The following MAGI2 variants were observed in gnomAD, a reference collection of about 807,000 sequenced individuals.
The protein encoded by MAGI2 is membrane associated guanylate kinase, WW and PDZ domain containing 2.
MAGI2 carries 35 observed loss-of-function variants against 133.3 expected under a neutral mutation model. That is an observed-to-expected ratio of 0.26 (90% CI 0.20 to 0.35). MAGI2 has a LOEUF of 0.35. Among genes scored for constraint, MAGI2 ranks in the 10% least tolerant of loss-of-function variants. The pLI is 1.00. For synonymous variants in MAGI2, 729 were observed against 710.6 expected (o/e 1.03, Z -0.41); for missense variants, 1,636 against 1,863.4 (o/e 0.88, Z 2.25).
At chr7:78,951,488 G>A (rs1030919735) in intron 2 of MAGI2, among the ~76,000 whole-genome samples, 11 of 152,112 alleles carry the variant, frequency 7.2e-5, no homozygotes, top group African/African-American at 2.4e-4. Context: ...CAGGGGAAAT[G>A]CCAGACGCTT....
At chr7:78,325,984 A>T (rs1788542768) in intron 9 of MAGI2, among the ~76,000 whole-genome samples, 2 of 152,196 alleles carry the variant, frequency 1.3e-5, no homozygotes, top group South Asian at 4.1e-4. Flanking sequence ...CCTCTTAAGC[A>T]GACTTTATAG....
At chr7:79,442,402 T>TA (rs1848550806) in intron 1 of MAGI2, among the ~76,000 whole-genome samples, 1 of 151,878 alleles carries the variant, frequency 6.6e-6, no homozygotes. Context: ...CTAAGTGCCT[T>TA]TCCGAGACTA....
intron 21 of MAGI2, among the ~76,000 whole-genome samples, chr7:78,050,151 T>A (rs971985101): frequency 4.6e-5 from 7 of 152,192 alleles, no homozygotes; most frequent in African/African-American, 1.4e-4. Flanking sequence ...TCTAAAAGTT[T>A]CCTCAACTCG....
chr7:79,342,301 C>T (rs1250774645), intron 1 of MAGI2, among the ~76,000 whole-genome samples: 1 of 152,158 alleles, frequency 6.6e-6, no homozygotes, highest in Admixed American at 6.5e-5. Flanking sequence ...TAACTCGGTC[C>T]CCTGTGTTAA....
chr7:79,389,332 G>A (rs1844436984), intron 1 of MAGI2, among the ~76,000 whole-genome samples: 1 of 151,998 alleles, frequency 6.6e-6, no homozygotes, highest in Non-Finnish European at 1.5e-5. Context: ...TTATGGAATA[G>A]CTAAATTGCA....
intron 2 of MAGI2, among the ~76,000 whole-genome samples, chr7:78,646,672 C>T (rs1291845331): frequency 6.6e-6 from 1 of 152,118 alleles, no homozygotes; most frequent in African/African-American, 2.4e-5. Context: ...AATGGAAGAT[C>T]CCATATCATG....
At position 79,416,725 on chromosome 7, in the gene MAGI2, C is replaced by CTTTTTTTTTTTTTTTTTTTTTTTTTTT. The variant is rs1176426138; in HGVS notation, c.301+36294_301+36295insAAAAAAAAAAAAAAAAAAAAAAAAAAA. On this transcript the variant is annotated intron_variant, in intron 1 of 21. Coordinates refer to ENST00000354212, the MANE Select transcript of MAGI2 (RefSeq NM_012301.4). ...TTCTTTTTTCTTTTCTTTTCTTTTT[C>CTTTTTTTTTTTTTTTTTTTTTTTTTTT]TTTTTCTTTTTTTTTTTTTGAGGTG... Among the ~76,000 whole-genome samples the CTTTTTTTTTTTTTTTTTTTTTTTTTTT allele has an allele frequency of 3.4e-4, 35 of 102,460 alleles. 7 individuals carry two copies. The highest frequency in any genetic ancestry group is 1.0e-3 in the African/African-American group (25 of 24,046). 67.2% of individuals were successfully genotyped at this position (102,460 alleles called of 152,430 possible). A position where few individuals can be genotyped will look rare whatever the true frequency, so the allele number is the denominator to read the frequency against.
At chr7:78,827,479 G>A (rs186526283) in intron 2 of MAGI2, among the ~76,000 whole-genome samples, 1 of 151,990 alleles carries the variant, frequency 6.6e-6, no homozygotes, top group Non-Finnish European at 1.5e-5. Context: ...GGTCTTGTAT[G>A]TTGCCTAGGC....
intron 21 of MAGI2, among the ~76,000 whole-genome samples, chr7:78,046,599 CA>C (rs1185185723): frequency 6.6e-6 from 1 of 152,040 alleles, no homozygotes; most frequent in East Asian, 1.9e-4. Context: ...AGAGCTCTGA[CA>C]AGGTGAGATA....
intron 16 of MAGI2, among the ~76,000 whole-genome samples, chr7:78,153,077 G>A (rs1315516804): frequency 6.6e-6 from 1 of 152,188 alleles, no homozygotes. Context: ...TTCGGAGATG[G>A]AACATTGATG....
chr7:78,858,800 T>G lies in MAGI2; in HGVS notation c.418+148290A>C. Among the ~76,000 whole-genome samples the G allele has an allele frequency of 1.3e-5, 2 of 152,218 alleles. 1 individual carries two copies. The highest frequency in any genetic ancestry group is 2.9e-5 in the Non-Finnish European group (2 of 68,042). ...CAATTCCTGGATATCCTTGTTAACT[T>G]TCTGTCTCGTTGATCTCTCTAATGT... is the stretch of plus-strand genomic sequence containing the variant. On this transcript the variant is annotated intron_variant, in intron 2 of 21. Transcript: ENST00000354212.
At chr7:78,130,151 G>A (rs1335263267) in intron 18 of MAGI2, among the ~76,000 whole-genome samples, 1 of 152,062 alleles carries the variant, frequency 6.6e-6, no homozygotes, top group Non-Finnish European at 1.5e-5. Flanking sequence ...TTCAACAAAT[G>A]CTTCTCCTTG....
Position 78,121,693 on chromosome 7 carries a change from A to G in MAGI2, c.3567+4001T>C, listed in dbSNP as rs531648030. On this transcript the variant is annotated intron_variant, in intron 20 of 21. Coordinates refer to ENST00000354212, the MANE Select transcript of MAGI2 (RefSeq NM_012301.4). ...ACAATACTTTTGTGTTACTTAGGTA[A>G]GTTAAATTTGTGCCCTCCAAGGCAT... is the stretch of plus-strand genomic sequence containing the variant. Among the ~76,000 whole-genome samples the G allele has an allele frequency of 2.0e-5, 3 of 152,324 alleles. No homozygotes were observed. The South Asian group carries it at 6.2e-4, about 32-fold the overall frequency.
intron 6 of MAGI2, among the ~76,000 whole-genome samples, chr7:78,408,548 A>G (rs1402328798): frequency 1.3e-5 from 2 of 152,010 alleles, no homozygotes; most frequent in Non-Finnish European, 2.9e-5. Context: ...GAGGCTTACT[A>G]CAGTACCTAC....
chr7:78,955,723 C>CTCTTTCTTTCTTTCTTTCTTTCTT (rs1158477695), intron 2 of MAGI2, among the ~76,000 whole-genome samples: 1 of 83,434 alleles, frequency 1.2e-5, no homozygotes, highest in African/African-American at 4.7e-5. Context: ...TTCTTTCTTT[C>CTCTTTCTTTCTTTCTTTCTTTCTT]TCTTTCTTTC....
At chr7:78,694,380 CGCTCTCAT>C (rs1470718416) in intron 2 of MAGI2, among the ~76,000 whole-genome samples, 2 of 152,160 alleles carry the variant, frequency 1.3e-5, no homozygotes, top group African/African-American at 4.8e-5. Context: ...ACAGTAGCAT[CGCTCTCAT>C]GAGTTCTTCT....
chr7:78,710,072 G>A lies in MAGI2; in HGVS notation c.419-82833C>T, dbSNP rs113110973. Reference sequence around the variant, plus strand: ...CCTCAACAGGGAAGGGACCTTTCACGAGAGTTGCCTCATGTTAAATAAGCA... The same window carrying A: ...CCTCAACAGGGAAGGGACCTTTCACAAGAGTTGCCTCATGTTAAATAAGCA... On this transcript the variant is annotated intron_variant, in intron 2 of 21. Coordinates refer to ENST00000354212, the MANE Select transcript of MAGI2 (RefSeq NM_012301.4). Among the ~76,000 whole-genome samples, 837 of 152,228 alleles carry A rather than the reference G, an allele frequency of 5.5e-3. 4 individuals carry two copies. The highest frequency in any genetic ancestry group is 7.3e-3 in the Non-Finnish European group (494 of 68,012).
chr7:79,173,999 G>A (rs1273151820), intron 1 of MAGI2, among the ~76,000 whole-genome samples: 2 of 151,574 alleles, frequency 1.3e-5, no homozygotes, highest in Non-Finnish European at 2.9e-5. Flanking sequence ...GAAACGGAAT[G>A]GGATGGAAAG....
intron 9 of MAGI2, among the ~76,000 whole-genome samples, chr7:78,342,975 A>C (rs1376766726): frequency 6.6e-6 from 1 of 152,226 alleles, no homozygotes; most frequent in Non-Finnish European, 1.5e-5. Context: ...AAATTACACT[A>C]TACAAATCTT....
Sources: gnomAD v4.1 joint callset for allele counts (sites outside exome capture counted in the v4.1 genomes callset) on GRCh38, gnomAD v4.1.1 for gene constraint, MANE v1.5 for transcripts, NCBI Gene and HGNC (gene_info 2026-07-23, HGNC 2026-07-21) for gene names.